Variants in GALNT14 observed in about 807,000 individuals in gnomAD.
The protein encoded by GALNT14 is polypeptide N-acetylgalactosaminyltransferase 14.
GALNT14 carries 60 observed loss-of-function variants against 77.5 expected under a neutral mutation model. That is an observed-to-expected ratio of 0.77 (90% CI 0.63 to 0.96). The LOEUF (loss-of-function observed/expected upper bound fraction) is 0.96. Among genes scored for constraint, GALNT14 ranks in the 40% least tolerant of loss-of-function variants. The pLI is 0.00. For missense variants in GALNT14, 710 were observed against 731.0 expected, an observed-to-expected ratio of 0.97 and a Z score of 0.33; for synonymous variants, 280 against 281.7, an observed-to-expected ratio of 0.99 and a Z score of 0.06.
At chr2:31,122,289 G>A (rs1678452245) in intron 1 of GALNT14, among the ~76,000 whole-genome samples, 1 of 152,234 alleles carries the variant, frequency 6.6e-6, no homozygotes, top group Non-Finnish European at 1.5e-5. Flanking sequence ...ATACCTGGAA[G>A]ACTACAAGCT....
chr2:30,905,601 T>C (rs1263235051), downstream of GALNT14, among the ~76,000 whole-genome samples: 5 of 149,524 alleles, frequency 3.3e-5, no homozygotes, highest in African/African-American at 1.0e-4. Flanking sequence ...TACCTGAAAG[T>C]GACAGGGAGA....
chr2:30,993,127 T>G (rs1669820764), intron 1 of GALNT14, 120 bp from the exon 2 acceptor site: 2 of 1,019,336 alleles, frequency 2.0e-6, no homozygotes, highest in South Asian at 3.2e-5. Flanking sequence ...GGCTCAAAGA[T>G]GGGGTCAGAA....
intron 1 of GALNT14, among the ~76,000 whole-genome samples, chr2:30,996,243 G>C (rs55704901): frequency 0.049 from 7,462 of 152,276 alleles, 601 homozygotes; most frequent in African/African-American, 0.17. Flanking sequence ...AAAAAAATCT[G>C]TTCAGGGAAT....
chr2:30,927,743 G>A (rs899737810), intron 11 of GALNT14, among the ~76,000 whole-genome samples: 9 of 152,188 alleles, frequency 5.9e-5, no homozygotes, highest in African/African-American at 2.2e-4. Flanking sequence ...ACTAGGGGCT[G>A]GGAAGAGTGG....
chr2:31,046,258 G>A (rs58440641), intron 1 of GALNT14, among the ~76,000 whole-genome samples: 2,388 of 141,968 alleles, frequency 0.017, 68 homozygotes, highest in African/African-American at 0.057. Flanking sequence ...ATGGAGTCTC[G>A]CTCTGTCGCC....
At chr2:30,896,717 G>C in the GALNT14 span, among the ~76,000 whole-genome samples, 1 of 152,046 alleles carries the variant, frequency 6.6e-6, no homozygotes, top group Non-Finnish European at 1.5e-5. Context: ...ATTAAGTATG[G>C]GTGCCATGAA....
intron 2 of GALNT14, among the ~76,000 whole-genome samples, chr2:30,991,780 T>C (rs1487238059): frequency 2.0e-5 from 3 of 152,184 alleles, no homozygotes; most frequent in African/African-American, 7.2e-5. Context: ...GGTTTCCAAG[T>C]AGTGCAACCT....
intron 1 of GALNT14, among the ~76,000 whole-genome samples, chr2:31,114,275 G>GAA (rs755840695): frequency 1.5e-4 from 21 of 138,624 alleles, no homozygotes; most frequent in African/African-American, 5.3e-4. Flanking sequence ...CAACAAGTGG[G>GAA]AAAAAAAAAA....
rs774186098 is a variant in GALNT14 at position 30,932,092 on chromosome 2, T to A, written c.1034A>T (p.Asp345Val). 10 of 1,573,820 alleles carry A rather than the reference T, an allele frequency of 6.4e-6. No homozygotes were observed. The highest frequency in any genetic ancestry group is 4.7e-5 in the South Asian group (4 of 85,392). The change falls in exon 10 of 15, where the codon GAT (aspartate) becomes GTT (valine). Residue 345 changes from aspartate to valine, a missense_variant. Physicochemically the swap from Asp to Val is radical, Grantham distance 152. Transcript: ENST00000349752. ...CTTTATATACGTGTTGGCATTTCCA[T>A]CAGGGAAAACGTAGGGGTGCTTCTT... ...FRKKHPYVFP[D>V]GNANTYIKNT...
intron 1 of GALNT14, among the ~76,000 whole-genome samples, chr2:30,996,845 G>A (rs1384854641): frequency 6.6e-6 from 1 of 152,222 alleles, no homozygotes; most frequent in East Asian, 1.9e-4. Context: ...GTCATAGTCT[G>A]CTGCACTGAG....
At position 31,053,581 on chromosome 2, in the gene GALNT14, C is replaced by T. The variant is rs111249386; in HGVS notation, c.130-60574G>A. Among the ~76,000 whole-genome samples the T allele has an allele frequency of 3.5e-3, 538 of 152,234 alleles. 4 individuals are homozygous for T. The highest frequency in any genetic ancestry group is 0.012 in the African/African-American group (502 of 41,532). On this transcript the variant is annotated intron_variant, in intron 1 of 14. Coordinates refer to ENST00000349752, the MANE Select transcript of GALNT14 (RefSeq NM_024572.4). ...AAAAATGCAACCAGGGACCATGCCA[C>T]GCCAGAAATCCCACCACTTCCCCTG...
At position 30,910,535 on chromosome 2, in the gene GALNT14, T is replaced by C. The variant is rs1664292951; in HGVS notation, c.*366A>G. On this transcript the variant is annotated 3_prime_UTR_variant, in exon 15 of 15. Coordinates refer to ENST00000349752, the MANE Select transcript of GALNT14 (RefSeq NM_024572.4). ...AACCTCCATTCTTCATCTCTCAATG[T>C]AGTCCTGGCCTAGTGAAAAAGAAGG... is the stretch of plus-strand genomic sequence containing the variant. 2 of 185,958 alleles carry C rather than the reference T, an allele frequency of 1.1e-5. No homozygotes were observed. The highest frequency in any genetic ancestry group is 2.9e-4 in the South Asian group (2 of 6,912). The allele number at this position is 185,958 out of a possible 1,614,324, so 11.5% of individuals were successfully genotyped here.
chr2:31,112,392 C>T (rs765092605), intron 1 of GALNT14, among the ~76,000 whole-genome samples: 2 of 152,190 alleles, frequency 1.3e-5, no homozygotes, highest in Non-Finnish European at 2.9e-5. Context: ...AATCTCATTC[C>T]TCATGGTAAA....
chr2:30,956,791 G>A (rs1398963791), intron 4 of GALNT14, among the ~76,000 whole-genome samples: 2 of 152,226 alleles, frequency 1.3e-5, no homozygotes, highest in African/African-American at 4.8e-5. Context: ...ACAGGCATGA[G>A]CCTCTGTGCC....
chr2:30,960,556 T>C (rs1472450683), intron 3 of GALNT14, among the ~76,000 whole-genome samples: 1 of 152,130 alleles, frequency 6.6e-6, no homozygotes, highest in Non-Finnish European at 1.5e-5. Flanking sequence ...CCTGGCTTGT[T>C]TTTGCTTCTC....
intron 1 of GALNT14, among the ~76,000 whole-genome samples, chr2:31,124,807 G>A (rs1215979058): frequency 6.6e-6 from 1 of 152,176 alleles, no homozygotes; most frequent in Non-Finnish European, 1.5e-5. Flanking sequence ...TGGGGTGGTT[G>A]TGAGGAATGA....
intron 1 of GALNT14, among the ~76,000 whole-genome samples, chr2:31,133,672 T>G (rs1388363574): frequency 6.6e-6 from 1 of 152,186 alleles, no homozygotes; most frequent in Admixed American, 6.5e-5. Flanking sequence ...TTTTTAAAAT[T>G]TTAGTCAGTT....
intron 1 of GALNT14, among the ~76,000 whole-genome samples, chr2:31,120,300 G>T (rs1206823908): frequency 6.6e-6 from 1 of 152,026 alleles, no homozygotes; most frequent in Non-Finnish European, 1.5e-5. Context: ...AAACAGATCT[G>T]TAAATGTTTA....
intron 14 of GALNT14, among the ~76,000 whole-genome samples, chr2:30,911,505 C>T (rs999932015): frequency 6.6e-6 from 1 of 152,118 alleles, no homozygotes; most frequent in African/African-American, 2.4e-5. Context: ...AGGCAGGTCT[C>T]ATGCAGCAGG....
Sources: allele counts gnomAD v4.1 joint callset (sites outside exome capture counted in the v4.1 genomes callset), GRCh38; gene constraint gnomAD v4.1.1; transcripts MANE v1.5; gene names NCBI Gene and HGNC (gene_info 2026-07-23, HGNC 2026-07-21).